Variants in RAB27A observed in about 807,000 individuals in gnomAD.
The protein encoded by RAB27A is RAB27A, member RAS oncogene family, also known as ras-related protein Rab-27A.
A neutral mutation model predicts 20.8 loss-of-function variants in RAB27A; 17 were observed. The observed-to-expected ratio is 0.82, with a 90% confidence interval of 0.56 to 1.23. The LOEUF (loss-of-function observed/expected upper bound fraction) is 1.23. RAB27A is among the 50% of genes most tolerant of loss of function. The pLI is 0.00. For missense variants in RAB27A, 277 were observed against 266.7 expected (o/e 1.04, Z -0.27); for synonymous variants, 85 against 92.8 (o/e 0.92, Z 0.48).
intron 2 of RAB27A, among the ~76,000 whole-genome samples, chr15:55,262,445 G>C (rs569724734): frequency 9.9e-5 from 15 of 151,648 alleles, no homozygotes; most frequent in Non-Finnish European, 1.8e-4. Flanking sequence ...GGGAGGCTGA[G>C]GCAGGAGAAT....
At chr15:55,217,822 G>A (rs1475098036) in intron 6 of RAB27A, among the ~76,000 whole-genome samples, 1 of 151,864 alleles carries the variant, frequency 6.6e-6, no homozygotes, top group African/African-American at 2.4e-5. Flanking sequence ...ATTCAGCACT[G>A]CTCATCGTTA....
chr15:55,251,693 AC>A (rs1758672813), intron 2 of RAB27A, among the ~76,000 whole-genome samples: 1 of 152,216 alleles, frequency 6.6e-6, no homozygotes, highest in African/African-American at 2.4e-5. Flanking sequence ...ATCAGAAGCC[AC>A]TTTATACTAA....
intron 6 of RAB27A, among the ~76,000 whole-genome samples, chr15:55,215,945 C>CAAAAAAAAAAAAAAAAAA (rs1162706734): frequency 1.9e-5 from 1 of 52,890 alleles, no homozygotes; most frequent in Non-Finnish European, 3.7e-5. Context: ...GACGCCGTCT[C>CAAAAAAAAAAAAAAAAAA]AAAAAAAAAA....
At chr15:55,231,953 A>G (rs1483101478) in intron 3 of RAB27A, among the ~76,000 whole-genome samples, 1 of 152,210 alleles carries the variant, frequency 6.6e-6, no homozygotes, top group African/African-American at 2.4e-5. Flanking sequence ...TGAGATTTCT[A>G]TAATGCTCCC....
chr15:55,306,111 TG>T (rs35223551), intron 2 of RAB27A, among the ~76,000 whole-genome samples: 1 of 152,056 alleles, frequency 6.6e-6, no homozygotes, highest in African/African-American at 2.4e-5. Flanking sequence ...AGACTATTCG[TG>T]GGGGGGAGTT....
At chr15:55,264,729 T>A (rs1897399578) in intron 2 of RAB27A, among the ~76,000 whole-genome samples, 1 of 152,226 alleles carries the variant, frequency 6.6e-6, no homozygotes. Context: ...AAAGATATAC[T>A]AGTAAAGCTT....
chr15:55,267,325 C>T (rs1389694340), intron 2 of RAB27A, among the ~76,000 whole-genome samples: 1 of 152,154 alleles, frequency 6.6e-6, no homozygotes, highest in Non-Finnish European at 1.5e-5. Context: ...TGGATGCTCT[C>T]AGCTCTTGAA....
At chr15:55,261,068 C>T (rs1213906227) in intron 2 of RAB27A, among the ~76,000 whole-genome samples, 13 of 152,084 alleles carry the variant, frequency 8.5e-5, no homozygotes, top group Non-Finnish European at 1.9e-4. Context: ...GTACTTTCTA[C>T]TCAGTATTAC....
At chr15:55,278,839 T>C (rs1199093503) in intron 1 of RAB27A, among the ~76,000 whole-genome samples, 1 of 152,212 alleles carries the variant, frequency 6.6e-6, no homozygotes, top group East Asian at 1.9e-4. Flanking sequence ...AAAATCTGCA[T>C]TTCTAAGTTC....
intron 6 of RAB27A, among the ~76,000 whole-genome samples, chr15:55,210,282 T>TG (rs1179961596): frequency 1.0e-4 from 8 of 80,090 alleles, no homozygotes; most frequent in Middle Eastern, 5.3e-3. Context: ...CTATTTTTAG[T>TG]TTTTTTTTTT....
chr15:55,302,486 C>T (rs1033608682), intron 2 of RAB27A, among the ~76,000 whole-genome samples: 8 of 152,156 alleles, frequency 5.3e-5, no homozygotes, highest in East Asian at 1.9e-4. Flanking sequence ...AGCCTCTGCC[C>T]GGCCGCCACC....
intron 6 of RAB27A, among the ~76,000 whole-genome samples, chr15:55,213,478 C>A (rs1895121972): frequency 6.6e-6 from 1 of 152,180 alleles, no homozygotes; most frequent in Admixed American, 6.5e-5. Context: ...GTTCCCAATC[C>A]CCAGGCCACA....
intron 2 of RAB27A, among the ~76,000 whole-genome samples, chr15:55,304,521 C>G (rs2054989378): frequency 6.6e-6 from 1 of 151,994 alleles, no homozygotes; most frequent in Non-Finnish European, 1.5e-5. Flanking sequence ...CATTCTCCAT[C>G]CCCCCTTCAT....
intron 2 of RAB27A, among the ~76,000 whole-genome samples, chr15:55,254,300 T>C (rs1209109812): frequency 6.6e-6 from 1 of 152,128 alleles, no homozygotes; most frequent in East Asian, 1.9e-4. Context: ...ACATAAAAAA[T>C]ATAATTGCTA....
chr15:55,309,418 T>C (rs1226418465), intron 2 of RAB27A, among the ~76,000 whole-genome samples: 1 of 152,224 alleles, frequency 6.6e-6, no homozygotes, highest in Non-Finnish European at 1.5e-5. Flanking sequence ...CTTGGGTGGC[T>C]TGATGGCACA....
chr15:55,259,808 G>A (rs1304980425), intron 2 of RAB27A: 1 of 152,056 alleles, frequency 6.6e-6, no homozygotes, highest in South Asian at 2.1e-4. Flanking sequence ...TCTGTTTCAG[G>A]GCTTTACATT....
intron 1 of RAB27A, among the ~76,000 whole-genome samples, chr15:55,286,765 G>C (rs928384718): frequency 1.8e-4 from 27 of 152,060 alleles, no homozygotes; most frequent in African/African-American, 6.3e-4. Flanking sequence ...GACTCTGGCT[G>C]CTGTGTTAAG....
At chr15:55,243,550 G>A (rs1032908170) in intron 2 of RAB27A, among the ~76,000 whole-genome samples, 2 of 151,702 alleles carry the variant, frequency 1.3e-5, no homozygotes, top group Non-Finnish European at 2.9e-5. Context: ...CAGCTTCTTG[G>A]GAGGCTGAGG....
intron 2 of RAB27A, among the ~76,000 whole-genome samples, chr15:55,302,989 G>A (rs967347433): frequency 7.0e-6 from 1 of 143,214 alleles, no homozygotes. Flanking sequence ...AGGTGGGGGG[G>A]GGTCAACCCC....
Sources: allele counts gnomAD v4.1 joint callset (sites outside exome capture counted in the v4.1 genomes callset), GRCh38; gene constraint gnomAD v4.1.1; transcripts MANE v1.5; gene names NCBI Gene and HGNC (gene_info 2026-07-23, HGNC 2026-07-21).